IGFL4: variants seen among roughly 807,000 people sequenced by gnomAD.
The protein encoded by IGFL4 is insulin growth factor-like family member 4.
Under a neutral mutation model 15.4 loss-of-function variants are expected in IGFL4, and 12 were observed. The ratio of observed to expected loss-of-function variants is 0.78; its 90% CI spans 0.50 to 1.26. The LOEUF (loss-of-function observed/expected upper bound fraction) is 1.26. IGFL4 is among the 50% of genes most tolerant of loss of function. IGFL4 has a pLI of 0.00. For missense variants in IGFL4, 126 were observed against 147.8 expected (o/e 0.85, Z 0.76); for synonymous variants, 54 against 55.9 (o/e 0.97, Z 0.16).
intron 2 of IGFL4, among the ~76,000 whole-genome samples, chr19:46,055,000 C>T (rs1158094012): frequency 1.3e-5 from 2 of 152,134 alleles, no homozygotes; most frequent in African/African-American, 4.8e-5. Flanking sequence ...CTATAGCCAA[C>T]TTGGACATCT....
intron 2 of IGFL4, among the ~76,000 whole-genome samples, chr19:46,056,179 T>G (rs1969391245): frequency 6.6e-6 from 1 of 152,228 alleles, no homozygotes; most frequent in African/African-American, 2.4e-5. Flanking sequence ...ATAGGGAATA[T>G]TAACTAAACT....
rs188788008 is a variant in IGFL4, at chr19:46,076,871, T to C, written c.-432+149A>G. The C allele has an allele frequency of 2.6e-4, 40 of 152,306 alleles. No individual in the cohort carries two copies. In the East Asian group the frequency reaches 7.5e-3, roughly 29 times the overall value. 9.4% of individuals were successfully genotyped at this position (152,306 alleles called of 1,614,324 possible). ...CGTCTTCCCTGTTCACTGACCTAGCTTCTGTTCTTTTGGTGCTGGAAGCAC... is the reference window on the plus strand; with the variant it reads ...CGTCTTCCCTGTTCACTGACCTAGCCTCTGTTCTTTTGGTGCTGGAAGCAC... On this transcript the variant is annotated intron_variant, in intron 1 of 5. Transcript: ENST00000601672.
intron 1 of IGFL4, among the ~76,000 whole-genome samples, chr19:46,069,350 T>C (rs948770937): frequency 2.0e-5 from 3 of 152,188 alleles, no homozygotes; most frequent in African/African-American, 7.2e-5. Context: ...AAATATCACC[T>C]AAAATAATAA....
chr19:46,039,976 G>A (rs1008123077), intron 3 of IGFL4, 40 bp from the exon 4 acceptor site: 6 of 1,579,066 alleles, frequency 3.8e-6, no homozygotes, highest in Non-Finnish European at 5.2e-6. Flanking sequence ...ATAAGAGGGA[G>A]GGTGGTAGCA....
chr19:46,051,470 G>A (rs909299132), intron 2 of IGFL4, among the ~76,000 whole-genome samples: 6 of 152,112 alleles, frequency 3.9e-5, no homozygotes, highest in South Asian at 4.1e-4. Context: ...ACTTGCACCC[G>A]GGAGGCAGAG....
At chr19:46,065,994 C>T (rs572102096) in intron 1 of IGFL4, among the ~76,000 whole-genome samples, 92 of 152,212 alleles carry the variant, frequency 6.0e-4, no homozygotes, top group African/African-American at 2.0e-3. Context: ...ACCAAAGAAT[C>T]CCATCAAAGT....
At chr19:46,069,003 CT>C (rs1490466458) in intron 1 of IGFL4, among the ~76,000 whole-genome samples, 2 of 152,168 alleles carry the variant, frequency 1.3e-5, no homozygotes, top group African/African-American at 4.8e-5. Flanking sequence ...CTGATTCTGA[CT>C]GGAGGGGCAG....
chr19:46,073,477 C>T (rs565673474), intron 1 of IGFL4, among the ~76,000 whole-genome samples: 1 of 152,276 alleles, frequency 6.6e-6, no homozygotes, highest in East Asian at 1.9e-4. Flanking sequence ...AGCAGAATAA[C>T]ACTATCACCC....
At chr19:46,047,217 A>C (rs1969304723) in intron 2 of IGFL4, among the ~76,000 whole-genome samples, 1 of 152,220 alleles carries the variant, frequency 6.6e-6, no homozygotes, top group East Asian at 1.9e-4. Context: ...ACTAAGAGAC[A>C]ATGTACCCGA....
chr19:46,074,407 T>C (rs999320229), intron 1 of IGFL4, among the ~76,000 whole-genome samples: 28 of 152,002 alleles, frequency 1.8e-4, no homozygotes, highest in African/African-American at 6.0e-4. Flanking sequence ...ATAATTAATG[T>C]ATGTATATCT....
upstream of IGFL4, among the ~76,000 whole-genome samples, chr19:46,043,081 G>C (rs548450784): frequency 1.3e-3 from 204 of 152,240 alleles, no homozygotes; most frequent in African/African-American, 4.5e-3. Context: ...GAACTAATAA[G>C]TAAATTTAGA....
intron 1 of IGFL4, among the ~76,000 whole-genome samples, chr19:46,065,209 C>A (rs145018530): frequency 2.3e-5 from 3 of 132,988 alleles, no homozygotes; most frequent in African/African-American, 9.0e-5. Flanking sequence ...CTTTTCTTTT[C>A]TTTTTTTACT....
rs370628005 is a variant in IGFL4 at position 46,040,235 on chromosome 19, G to C, written c.252C>G (p.Asn84Lys). The C allele has an allele frequency of 1.2e-6, 2 of 1,614,052 alleles. No individual in the cohort carries two copies. The highest frequency in any genetic ancestry group is 2.7e-5 in the African/African-American group (2 of 74,916). Residue 84 changes from asparagine to lysine, a missense_variant, in exon 3 of 4, where the codon AAC (asparagine) becomes AAG (lysine). Asn to Lys is a moderately conservative substitution (Grantham distance 94). Coordinates refer to ENST00000377697, the MANE Select transcript of IGFL4 (RefSeq NM_001002923.3). This position sits in a 1 kb window ranked among gnomAD's most constrained non-coding sequence, Gnocchi z 4.1. ...HCCLESLGSQ[N>K]QTVVRFKVPG... The stretch of plus-strand genomic sequence containing the variant: ...GGACCTTGAACCTCACAACTGTCTG[G>C]TTCTGAGAGCCCAAAGACTCCAGGC...
At chr19:46,047,521 C>A (rs1969307925) in intron 2 of IGFL4, among the ~76,000 whole-genome samples, 1 of 151,972 alleles carries the variant, frequency 6.6e-6, no homozygotes, top group East Asian at 1.9e-4. Context: ...AGATAGACTG[C>A]TAGCCAGACT....
Position 46,040,962 on chromosome 19 carries a change from TG to T in IGFL4, c.-1del. 6.3e-7 allele frequency: 1 copy of T among 1,590,076 alleles called. No homozygotes were observed. The highest frequency in any genetic ancestry group is 8.5e-7 in the Non-Finnish European group (1 of 1,170,226). ...TCCTTACCAGAAATTCTGGGCACCA[TG>T]GGTTAGGCTTCAGAGCAGCGGACGA... On this transcript the variant is annotated 5_prime_UTR_variant, in exon 1 of 4. Coordinates refer to ENST00000377697, the MANE Select transcript of IGFL4 (RefSeq NM_001002923.3). The surrounding 1 kb of genome is among the most constrained non-coding windows in gnomAD (Gnocchi z 4.1).
intron 1 of IGFL4, among the ~76,000 whole-genome samples, chr19:46,064,570 G>A (rs1260067318): frequency 6.6e-6 from 1 of 152,096 alleles, no homozygotes; most frequent in East Asian, 1.9e-4. Flanking sequence ...AGTGAGAACA[G>A]GTGATGTTTG....
intron 2 of IGFL4, among the ~76,000 whole-genome samples, chr19:46,049,468 A>AT (rs1440040459): frequency 6.6e-6 from 1 of 152,118 alleles, no homozygotes. Context: ...TGTGGGCTGC[A>AT]TGGGAGCTGG....
Position 46,039,582 on chromosome 19 carries a change from TA to T in IGFL4, c.*309del, listed in dbSNP as rs1969214888. Among the ~76,000 whole-genome samples the T allele has an allele frequency of 6.9e-6, 1 of 144,964 alleles. No homozygotes were observed. The highest frequency in any genetic ancestry group is 2.6e-5 in the African/African-American group (1 of 38,420). ...TTTTATTTCCTTGAGCAGTGGTTTG[TA>T]GTTCTCCTTGAAGAGGTCCTTCACA... On this transcript the variant is annotated 3_prime_UTR_variant, in exon 4 of 4. Transcript: ENST00000377697.
chr19:46,068,987 G>A lies in IGFL4; in HGVS notation c.-432+8033C>T, dbSNP rs139264838. ...GGGACAGGAGAGCATGTTTCCCCTC[G>A]GTCCTCTGATTCTGACTGGAGGGGC... On this transcript the variant is annotated intron_variant, in intron 1 of 5. Transcript: ENST00000601672. Among the ~76,000 whole-genome samples, 8 of 152,210 alleles carry A rather than the reference G, an allele frequency of 5.3e-5. No homozygotes were observed. The East Asian group carries it at 9.6e-4, about 18-fold the overall frequency.
Sources: allele counts gnomAD v4.1 joint callset (sites outside exome capture counted in the v4.1 genomes callset), GRCh38; gene constraint gnomAD v4.1.1; non-coding constraint Gnocchi (gnomAD v3.1); transcripts MANE v1.5; gene names NCBI Gene and HGNC (gene_info 2026-07-23, HGNC 2026-07-21).